LGALS14: variants seen among roughly 807,000 people sequenced by gnomAD.
LGALS14 encodes the protein galectin 14.
LGALS14 carries 14 observed loss-of-function variants against 14.6 expected under a neutral mutation model. That is an observed-to-expected ratio of 0.96 (90% CI 0.64 to 1.50). The LOEUF (loss-of-function observed/expected upper bound fraction) is 1.50, where lower values mean the gene tolerates loss of function less well. Ranked by LOEUF, LGALS14 falls within the 40% of genes most tolerant of loss-of-function variation. The pLI is 0.00. For synonymous variants in LGALS14, 57 were observed against 63.9 expected, an observed-to-expected ratio of 0.89 and a Z score of 0.51; for missense variants, 180 against 172.0, an observed-to-expected ratio of 1.05 and a Z score of -0.26.
chr19:39,705,774 G>A, intron 1 of LGALS14: 3 of 1,058,628 alleles, frequency 2.8e-6, no homozygotes, highest in South Asian at 1.5e-5. Context: ...CAGTCCAGGA[G>A]TTCGATGTTT....
intron 2 of LGALS14, among the ~76,000 whole-genome samples, 179 bp downstream of exon 2, chr19:39,706,852 A>C (rs936212841): frequency 3.7e-4 from 57 of 152,230 alleles, no homozygotes; most frequent in African/African-American, 1.3e-3. Flanking sequence ...AACTGCATGC[A>C]GGCCAGCCAC....
At position 39,707,237 on chromosome 19, in the gene LGALS14, C is replaced by T. The variant is rs779224205; in HGVS notation, c.152C>T (p.Ala51Val). 4.3e-5 allele frequency: 69 copies of T among 1,613,996 alleles called. No homozygotes were observed. Among genetic ancestry groups the T allele is most frequent in the Non-Finnish European group, 5.4e-5 (64 of 1,179,964 alleles). The change falls in exon 3 of 4, where the codon GCT becomes GTT. Residue 51 changes from alanine to valine, a missense_variant. Physicochemically the swap from Ala to Val is moderately conservative, Grantham distance 64. Coordinates refer to ENST00000392052, the MANE Select transcript of LGALS14 (RefSeq NM_020129.3). ...GGGATGGATGAGGACTCAGATATTGCTTTCCAATTCCGACTGCACTTTGGT... is the reference window on the plus strand; with the variant it reads ...GGGATGGATGAGGACTCAGATATTGTTTTCCAATTCCGACTGCACTTTGGT... ...YTGMDEDSDI[A>V]FQFRLHFGHP...
In LGALS14 at chr19:39,709,259, G is replaced by A; in HGVS notation, c.366G>A (p.Lys122=). 1 of 1,613,612 alleles carries A rather than the reference G, an allele frequency of 6.2e-7. No homozygotes were observed. The highest frequency in any genetic ancestry group is 2.2e-5 in the East Asian group (1 of 44,854). Residue 122 remains lysine, a synonymous_variant, in exon 4 of 4, where the codon AAG becomes AAA. Transcript: ENST00000392052. ...FAHRFPPASV[K]MLQVFRDISL... is the part of the protein sequence containing the mutation. ...ATCGATTCCCGCCAGCATCTGTGAA[G>A]ATGCTGCAAGTCTTCAGAGATATCT...
At chr19:39,704,609 G>C in intron 1 of LGALS14, 66 bp downstream of exon 1, 1 of 1,506,134 alleles carries the variant, frequency 6.6e-7, no homozygotes, top group Non-Finnish European at 9.2e-7. Context: ...AACAGGGGAG[G>C]TTTTCTGAGT....
At position 39,704,487 on chromosome 19, in the gene LGALS14, G is replaced by T; in HGVS notation, c.-42G>T. 2 of 1,610,054 alleles carry T rather than the reference G, an allele frequency of 1.2e-6. No homozygotes were observed. The highest frequency in any genetic ancestry group is 2.2e-5 in the East Asian group (1 of 44,724). On this transcript the variant is annotated 5_prime_UTR_variant, in exon 1 of 4. Coordinates refer to ENST00000392052, the MANE Select transcript of LGALS14 (RefSeq NM_020129.3). ...ATCCCACTCAGAGATTCACACAGAA[G>T]ACTGGACACAATTCCGAAGAGCTGC...
At chr19:39,705,860 T>A in intron 1 of LGALS14, 1 of 1,607,984 alleles carries the variant, frequency 6.2e-7, no homozygotes, top group East Asian at 2.2e-5. Flanking sequence ...TACAGAAAAA[T>A]CATCAACCAC....
At position 39,709,314 on chromosome 19, in the gene LGALS14, G is replaced by A. The variant is rs769479034; in HGVS notation, c.*1G>A. The A allele has an allele frequency of 6.6e-7, 1 of 1,511,776 alleles. No individual in the cohort carries two copies. Among genetic ancestry groups the A allele is most frequent in the Non-Finnish European group, 9.2e-7 (1 of 1,087,054 alleles). The allele number at this position is 1,511,776 out of a possible 1,614,324, so 93.6% of individuals were successfully genotyped here. ...GACCAGAGTGCTTATCAGCGATTGAGGGAGATGATCAGACTCCTCATTGTT... is the reference window on the plus strand; with the variant it reads ...GACCAGAGTGCTTATCAGCGATTGAAGGAGATGATCAGACTCCTCATTGTT... On this transcript the variant is annotated 3_prime_UTR_variant, in exon 4 of 4. Transcript: ENST00000392052.
chr19:39,704,598 A>C, intron 1 of LGALS14, 55 bp downstream of exon 1: 1 of 1,576,264 alleles, frequency 6.3e-7, no homozygotes, highest in Non-Finnish European at 8.7e-7. Flanking sequence ...ACCAAGAAAG[A>C]AACAGGGGAG....
At chr19:39,706,542 T>C (rs1973716960) in intron 1 of LGALS14, 55 bp from the exon 2 acceptor site, 5 of 1,277,136 alleles carry the variant, frequency 3.9e-6, no homozygotes, top group Non-Finnish European at 3.4e-6. Flanking sequence ...ATCTGTTACA[T>C]AGGGGAGGTT....
In LGALS14 at chr19:39,709,335, T is replaced by C. The variant is rs773124862; in HGVS notation, c.*22T>C. 6 of 1,307,940 alleles carry C rather than the reference T, an allele frequency of 4.6e-6. No homozygotes were observed. The highest frequency in any genetic ancestry group is 2.4e-5 in the South Asian group (2 of 85,000). 81.0% of individuals were successfully genotyped at this position (1,307,940 alleles called of 1,614,324 possible). A position where few individuals can be genotyped will look rare whatever the true frequency, so the allele number is the denominator to read the frequency against. On this transcript the variant is annotated 3_prime_UTR_variant, in exon 4 of 4. Coordinates refer to ENST00000392052, the MANE Select transcript of LGALS14 (RefSeq NM_020129.3). Reference sequence around the variant, plus strand: ...TTGAGGGAGATGATCAGACTCCTCATTGTTGAGGAATCCCTCTTTCTACCT... The same window carrying C: ...TTGAGGGAGATGATCAGACTCCTCACTGTTGAGGAATCCCTCTTTCTACCT...
intron 2 of LGALS14, 148 bp downstream of exon 2, chr19:39,706,821 AACAG>A (rs1388897412): frequency 1.4e-6 from 1 of 722,878 alleles, no homozygotes; most frequent in African/African-American, 1.7e-5. Context: ...ACCTTCCAGC[AACAG>A]ACATGAGACC....
chr19:39,707,231 A>T lies in LGALS14; in HGVS notation c.146A>T (p.Asp49Val). Residue 49 changes from aspartate (D) to valine (V), a missense_variant, in exon 3 of 4, where the codon GAT becomes GTT. Physicochemically the swap from Asp to Val is radical, Grantham distance 152. Coordinates refer to ENST00000392052, the MANE Select transcript of LGALS14 (RefSeq NM_020129.3). ...NFYTGMDEDS[D>V]IAFQFRLHFG... ...TACACTGGGATGGATGAGGACTCAGATATTGCTTTCCAATTCCGACTGCAC... is the reference window on the plus strand; with the variant it reads ...TACACTGGGATGGATGAGGACTCAGTTATTGCTTTCCAATTCCGACTGCAC... The T allele has an allele frequency of 6.2e-7, 1 of 1,614,128 alleles. No individual in the cohort carries two copies. Among genetic ancestry groups the T allele is most frequent in the Non-Finnish European group, 8.5e-7 (1 of 1,179,988 alleles).
At chr19:39,708,718 C>T (rs948655161) in intron 3 of LGALS14, among the ~76,000 whole-genome samples, 6 of 152,230 alleles carry the variant, frequency 3.9e-5, no homozygotes, top group African/African-American at 1.2e-4. Flanking sequence ...CTCTAAGAAC[C>T]CTGGGTTTCA....
chr19:39,706,746 G>A (rs1973720515), intron 2 of LGALS14, 73 bp downstream of exon 2: 1 of 1,271,540 alleles, frequency 7.9e-7, no homozygotes, highest in Admixed American at 1.7e-5. Context: ...TTAACCTTAT[G>A]TGTGAGTGAT....
At chr19:39,706,112 C>T (rs1973711812) in intron 1 of LGALS14, 3 of 1,486,334 alleles carry the variant, frequency 2.0e-6, no homozygotes, top group South Asian at 1.3e-5. Context: ...TAAATTCTTT[C>T]ACCCTCAAGT....
intron 3 of LGALS14, among the ~76,000 whole-genome samples, chr19:39,708,168 T>C (rs1973746575): frequency 6.6e-6 from 1 of 152,216 alleles, no homozygotes; most frequent in Non-Finnish European, 1.5e-5. Context: ...TGCATTTGTT[T>C]TTAAGCAAAT....
chr19:39,708,470 A>T (rs540620794), intron 3 of LGALS14, among the ~76,000 whole-genome samples: 2 of 152,332 alleles, frequency 1.3e-5, no homozygotes, highest in East Asian at 3.9e-4. Context: ...AAAAAAATGA[A>T]AAAAACAGCT....
chr19:39,709,020 C>T (rs1354111829), intron 3 of LGALS14, among the ~76,000 whole-genome samples, 177 bp from the exon 4 acceptor site: 1 of 152,174 alleles, frequency 6.6e-6, no homozygotes, highest in Non-Finnish European at 1.5e-5. Context: ...AAATGAGCAT[C>T]TGTCTCAAAT....
rs1269616543 is a variant in LGALS14 at position 39,707,375 on chromosome 19, A to G, written c.290A>G (p.His97Arg). ...TTTGAGCTGTGCATCTATGTGCGTC[A>G]CAAGGAATACAAGGTGAGTACTTCA... The part of the protein sequence containing the change: ...KPFELCIYVR[H>R]KEYKVMVNGQ... The change falls in exon 3 of 4, where the codon CAC (histidine) becomes CGC (arginine). Residue 97 changes from histidine (H) to arginine (R), a missense_variant. Transcript: ENST00000392052. 6.2e-7 allele frequency: 1 copy of G among 1,613,720 alleles called. No homozygotes were observed.
Sources: gnomAD v4.1 joint callset for allele counts (sites outside exome capture counted in the v4.1 genomes callset) on GRCh38, gnomAD v4.1.1 for gene constraint, MANE v1.5 for transcripts, NCBI Gene and HGNC (gene_info 2026-07-23, HGNC 2026-07-21) for gene names.